ABTB3: variants seen among roughly 807,000 people sequenced by gnomAD.
The protein encoded by ABTB3 is ankyrin repeat- and BTB/POZ domain-containing protein 3.
At chr12:107,342,092 C>T in the ABTB3 span, among the ~76,000 whole-genome samples, 1 of 152,118 alleles carries the variant, frequency 6.6e-6, no homozygotes, top group Admixed American at 6.5e-5. Context: ...CACGGGAGAC[C>T]TCCAGGAGAC....
chr12:107,532,831 A>G, the ABTB3 span, among the ~76,000 whole-genome samples: 1 of 152,226 alleles, frequency 6.6e-6, no homozygotes, highest in Non-Finnish European at 1.5e-5. Context: ...ATTTCTCAGC[A>G]GAAACCTTAT....
the ABTB3 span, among the ~76,000 whole-genome samples, chr12:107,375,155 G>A: frequency 1.3e-5 from 2 of 152,126 alleles, no homozygotes; most frequent in Non-Finnish European, 2.9e-5. Context: ...CGTGGCTCAC[G>A]TCTGTGATCC....
the ABTB3 span, among the ~76,000 whole-genome samples, chr12:107,642,488 G>C: frequency 6.6e-5 from 10 of 152,268 alleles, no homozygotes; most frequent in Admixed American, 5.9e-4. Flanking sequence ...ACAGTATACA[G>C]TAGAGTACTC....
chr12:107,620,281 C>T, the ABTB3 span: 8 of 1,309,180 alleles, frequency 6.1e-6, no homozygotes, highest in South Asian at 2.9e-5. Context: ...ACGGTCATAG[C>T]GACCAGTGGC....
the ABTB3 span, among the ~76,000 whole-genome samples, chr12:107,325,258 T>C: frequency 6.6e-6 from 1 of 152,230 alleles, no homozygotes; most frequent in African/African-American, 2.4e-5. Flanking sequence ...TTCTATTGTC[T>C]CTGCACAAAA....
At chr12:107,450,806 A>AG in the ABTB3 span, among the ~76,000 whole-genome samples, 1 of 151,898 alleles carries the variant, frequency 6.6e-6, no homozygotes, top group Non-Finnish European at 1.5e-5. Flanking sequence ...GAGAGGCAGG[A>AG]GGGGGAGGGG....
chr12:107,527,278 C>CT, the ABTB3 span, among the ~76,000 whole-genome samples: 7 of 150,058 alleles, frequency 4.7e-5, no homozygotes, highest in East Asian at 2.0e-4. Context: ...AGAGTTGAAA[C>CT]TTTTTTTTTT....
chr12:107,639,229 A>G, the ABTB3 span, among the ~76,000 whole-genome samples: 1 of 152,256 alleles, frequency 6.6e-6, no homozygotes, highest in Non-Finnish European at 1.5e-5. Flanking sequence ...GCACACACAC[A>G]GTTTGACAGG....
At chr12:107,626,587 A>T in the ABTB3 span, among the ~76,000 whole-genome samples, 1 of 151,832 alleles carries the variant, frequency 6.6e-6, no homozygotes, top group Admixed American at 6.6e-5. Context: ...TGACCTCGTG[A>T]TCTGCCTGCC....
the ABTB3 span, among the ~76,000 whole-genome samples, chr12:107,433,014 G>A: frequency 1.3e-5 from 2 of 152,100 alleles, no homozygotes; most frequent in African/African-American, 2.4e-5. Flanking sequence ...GGCCGGGCGC[G>A]GTGGCTCACG....
the ABTB3 span, among the ~76,000 whole-genome samples, chr12:107,567,891 G>C: frequency 1.8e-4 from 27 of 152,136 alleles, no homozygotes; most frequent in Non-Finnish European, 3.5e-4. Context: ...CCAGTCCCTG[G>C]TGCCAAAAAG....
the ABTB3 span, among the ~76,000 whole-genome samples, chr12:107,554,364 T>C: frequency 2.0e-5 from 3 of 152,130 alleles, no homozygotes; most frequent in African/African-American, 4.8e-5. Flanking sequence ...TTTTTTATTC[T>C]AGAGCCAGAA....
At chr12:107,628,198 T>C in the ABTB3 span, among the ~76,000 whole-genome samples, 1 of 152,096 alleles carries the variant, frequency 6.6e-6, no homozygotes, top group African/African-American at 2.4e-5. Flanking sequence ...TGGAGTACAG[T>C]GGGGCGATCT....
chr12:107,369,394 T>TTG, the ABTB3 span, among the ~76,000 whole-genome samples: 1 of 80,714 alleles, frequency 1.2e-5, no homozygotes, highest in African/African-American at 2.9e-5. Context: ...AAACAAGGGT[T>TTG]TTTTTTTTTT....
chr12:107,335,970 C>G, the ABTB3 span, among the ~76,000 whole-genome samples: 1 of 152,186 alleles, frequency 6.6e-6, no homozygotes, highest in Non-Finnish European at 1.5e-5. Context: ...CCTTCCTCCT[C>G]CTGCCCCGAC....
the ABTB3 span, among the ~76,000 whole-genome samples, chr12:107,641,792 G>A: frequency 0.18 from 27,765 of 152,180 alleles, 2,754 homozygotes; most frequent in Non-Finnish European, 0.23. Context: ...TGGCGGCCAC[G>A]TGACAGGCCC....
the ABTB3 span, among the ~76,000 whole-genome samples, chr12:107,439,050 G>C: frequency 6.6e-6 from 1 of 152,328 alleles, no homozygotes; most frequent in African/African-American, 2.4e-5. Flanking sequence ...AGCCATGGAA[G>C]TGTGGCTACC....
the ABTB3 span, among the ~76,000 whole-genome samples, chr12:107,565,805 G>T: frequency 2.0e-5 from 3 of 152,156 alleles, no homozygotes; most frequent in Admixed American, 6.5e-5. Flanking sequence ...GGCAGGCAGG[G>T]GCACACGTGG....
At chr12:107,553,459 C>T in the ABTB3 span, among the ~76,000 whole-genome samples, 1 of 152,070 alleles carries the variant, frequency 6.6e-6, no homozygotes, top group Non-Finnish European at 1.5e-5. Context: ...CAAATGAGTG[C>T]TGGGTGACTA....
Sources: gnomAD v4.1 joint callset for allele counts (sites outside exome capture counted in the v4.1 genomes callset) on GRCh38, gnomAD v4.1.1 for gene constraint, MANE v1.5 for transcripts, NCBI Gene and HGNC (gene_info 2026-07-23, HGNC 2026-07-21) for gene names.